The following KCNN2 variants were observed in gnomAD, a reference collection of about 807,000 sequenced individuals.
KCNN2 encodes the protein potassium calcium-activated channel subfamily N member 2, also known as small conductance calcium-activated potassium channel protein 2.
A neutral mutation model predicts 55.5 loss-of-function variants in KCNN2; 24 were observed. The observed-to-expected ratio is 0.43, with a 90% CI of 0.31 to 0.61. The LOEUF is 0.61. Ranked by LOEUF, KCNN2 falls within the 20% of genes least tolerant of loss-of-function variation. The pLI is 0.08. For missense variants in KCNN2, 754 were observed against 853.6 expected, an observed-to-expected ratio of 0.88 and a Z score of 1.45; for synonymous variants, 431 against 336.1, an observed-to-expected ratio of 1.28 and a Z score of -3.09.
chr5:114,352,750 A>G (rs568210174), intron 2 of KCNN2, among the ~76,000 whole-genome samples: 2 of 152,074 alleles, frequency 1.3e-5, no homozygotes, highest in Admixed American at 6.6e-5. Flanking sequence ...AAGAATTTGT[A>G]TAAATATACG....
chr5:114,298,993 G>A (rs544189084), intron 2 of KCNN2, among the ~76,000 whole-genome samples: 6 of 152,246 alleles, frequency 3.9e-5, no homozygotes, highest in African/African-American at 1.4e-4. Flanking sequence ...ATAACAAATA[G>A]AATTTATTAG....
chr5:114,435,647 T>C (rs1005236653), intron 3 of KCNN2, among the ~76,000 whole-genome samples: 1 of 152,112 alleles, frequency 6.6e-6, no homozygotes, highest in South Asian at 2.1e-4. Flanking sequence ...TTAGATAGTA[T>C]TTAGATCATT....
intron 1 of KCNN2, among the ~76,000 whole-genome samples, chr5:114,070,444 C>T (rs886231204): frequency 8.5e-5 from 13 of 152,196 alleles, no homozygotes; most frequent in African/African-American, 2.2e-4. Context: ...TGCATTAATG[C>T]GCATTATTCC....
chr5:114,084,327 C>T (rs1041973590), intron 1 of KCNN2, among the ~76,000 whole-genome samples: 3 of 152,000 alleles, frequency 2.0e-5, no homozygotes, highest in Non-Finnish European at 2.9e-5. Context: ...TACACAGTCC[C>T]GCCAAAGTTT....
intron 2 of KCNN2, among the ~76,000 whole-genome samples, chr5:114,280,337 G>A (rs566891007): frequency 6.6e-6 from 1 of 152,236 alleles, no homozygotes; most frequent in Admixed American, 6.5e-5. Flanking sequence ...GGCTTTTGTT[G>A]CCATTGCATT....
intron 2 of KCNN2, among the ~76,000 whole-genome samples, chr5:114,237,256 T>TCACACACA (rs10643853): frequency 0.067 from 9,302 of 138,462 alleles, 366 homozygotes; most frequent in Middle Eastern, 0.14. Context: ...TTGTCAAAAT[T>TCACACACA]CACACACACA....
At chr5:114,216,721 G>A (rs1202026564) in intron 1 of KCNN2, among the ~76,000 whole-genome samples, 1 of 152,094 alleles carries the variant, frequency 6.6e-6, no homozygotes, top group African/African-American at 2.4e-5. Context: ...AAGCAAGAAT[G>A]TCCCTTCTCA....
chr5:114,182,024 A>T (rs77361322), intron 1 of KCNN2, among the ~76,000 whole-genome samples: 1 of 145,266 alleles, frequency 6.9e-6, no homozygotes, highest in Non-Finnish European at 1.5e-5. Flanking sequence ...AAAAAAAAAA[A>T]TTAATTTTTG....
intron 2 of KCNN2, among the ~76,000 whole-genome samples, chr5:114,388,900 AAG>A (rs1209617332): frequency 6.6e-6 from 1 of 152,152 alleles, no homozygotes; most frequent in East Asian, 1.9e-4. Flanking sequence ...TGCATTTGAA[AAG>A]AGGATCAATT....
At chr5:114,189,620 C>T (rs1417254361) in intron 1 of KCNN2, among the ~76,000 whole-genome samples, 1 of 152,136 alleles carries the variant, frequency 6.6e-6, no homozygotes, top group East Asian at 1.9e-4. Flanking sequence ...GTTTTACTTA[C>T]TATATATCAG....
intron 2 of KCNN2, among the ~76,000 whole-genome samples, chr5:114,280,517 A>G (rs1336174027): frequency 6.6e-6 from 1 of 152,168 alleles, no homozygotes; most frequent in Admixed American, 6.5e-5. Context: ...CTTTCTACAT[A>G]TGGCTAGCCA....
At chr5:114,199,241 C>T (rs987194385) in intron 1 of KCNN2, among the ~76,000 whole-genome samples, 2 of 152,028 alleles carry the variant, frequency 1.3e-5, no homozygotes, top group Admixed American at 6.5e-5. Flanking sequence ...TAGAGTGACT[C>T]TTGATCACTT....
chr5:114,200,417 T>C (rs558949001), intron 1 of KCNN2, among the ~76,000 whole-genome samples: 222 of 152,186 alleles, frequency 1.5e-3, no homozygotes, highest in African/African-American at 5.1e-3. Flanking sequence ...GCATCCTGGA[T>C]TGATTTTCCT....
chr5:114,069,095 G>A (rs1291553423), intron 1 of KCNN2, among the ~76,000 whole-genome samples: 23 of 152,168 alleles, frequency 1.5e-4, no homozygotes, highest in Admixed American at 1.0e-3. Flanking sequence ...GATTACAGGC[G>A]TGAGCCACCG....
chr5:114,130,331 A>G (rs1752046855), intron 1 of KCNN2, among the ~76,000 whole-genome samples: 2 of 152,162 alleles, frequency 1.3e-5, no homozygotes, highest in South Asian at 4.1e-4. Context: ...CTTTCCAGTT[A>G]CTTAAGCACT....
chr5:114,462,736 A>G (rs1761265786), intron 3 of KCNN2, among the ~76,000 whole-genome samples: 1 of 152,224 alleles, frequency 6.6e-6, no homozygotes, highest in Admixed American at 6.5e-5. Context: ...CAGCTAGGCA[A>G]GGAGTGACGA....
chr5:114,105,750 G>A (rs186998396), intron 1 of KCNN2, among the ~76,000 whole-genome samples: 1 of 152,090 alleles, frequency 6.6e-6, no homozygotes, highest in African/African-American at 2.4e-5. Context: ...TAGTCCTGAG[G>A]AAAGTTCATG....
At chr5:114,188,215 T>G (rs2112560209) in intron 1 of KCNN2, among the ~76,000 whole-genome samples, 1 of 152,296 alleles carries the variant, frequency 6.6e-6, no homozygotes, top group African/African-American at 2.4e-5. Flanking sequence ...CCTGGCACTT[T>G]AGGGTTTTAA....
At chr5:114,303,309 A>G (rs1756206293) in intron 2 of KCNN2, among the ~76,000 whole-genome samples, 1 of 152,210 alleles carries the variant, frequency 6.6e-6, no homozygotes, top group Non-Finnish European at 1.5e-5. Context: ...AGAAATGCTG[A>G]ACATCACAGT....
Sources: gnomAD v4.1 joint callset for allele counts (sites outside exome capture counted in the v4.1 genomes callset) on GRCh38, gnomAD v4.1.1 for gene constraint, MANE v1.5 for transcripts, NCBI Gene and HGNC (gene_info 2026-07-23, HGNC 2026-07-21) for gene names.